Variants in DLG2 observed in about 807,000 individuals in gnomAD.
The protein encoded by DLG2 is disks large homolog 2.
DLG2 carries 45 observed loss-of-function variants against 132.5 expected under a neutral mutation model. The observed-to-expected ratio is 0.34, with a 90% CI of 0.27 to 0.44. The LOEUF (loss-of-function observed/expected upper bound fraction) is 0.44. Among genes scored for constraint, DLG2 ranks in the 20% least tolerant of loss-of-function variants. The pLI is 1.00. For synonymous variants in DLG2, 424 were observed against 419.6 expected (o/e 1.01, Z -0.13); for missense variants, 1,045 against 1,196.9 (o/e 0.87, Z 1.87).
intron 6 of DLG2, among the ~76,000 whole-genome samples, chr11:84,861,922 A>C (rs1183457127): frequency 6.6e-6 from 1 of 151,596 alleles, no homozygotes; most frequent in Non-Finnish European, 1.5e-5. Flanking sequence ...CATTCTCAGT[A>C]AACTATCGCA....
At chr11:84,626,018 A>T (rs1024950941) in intron 6 of DLG2, among the ~76,000 whole-genome samples, 6 of 152,172 alleles carry the variant, frequency 3.9e-5, no homozygotes, top group African/African-American at 1.4e-4. Flanking sequence ...TATCATTTTT[A>T]TCATAATAAT....
At chr11:84,626,855 T>TTTTA (rs1565491766) in intron 6 of DLG2, among the ~76,000 whole-genome samples, 5 of 142,198 alleles carry the variant, frequency 3.5e-5, no homozygotes, top group African/African-American at 1.1e-4. Context: ...ACATATTTTA[T>TTTTA]TTTATTTTAT....
chr11:85,510,995 G>T (rs1170320075), intron 3 of DLG2, among the ~76,000 whole-genome samples: 10 of 152,222 alleles, frequency 6.6e-5, no homozygotes, highest in Middle Eastern at 3.4e-3. Flanking sequence ...ATGATAGACT[G>T]GATTAAGAAA....
intron 7 of DLG2, among the ~76,000 whole-genome samples, chr11:84,524,348 T>G (rs948319877): frequency 1.3e-5 from 2 of 152,244 alleles, no homozygotes; most frequent in Admixed American, 6.5e-5. Flanking sequence ...GCCAGAATTA[T>G]TGGGGGTATG....
At chr11:85,232,204 C>T (rs1394989838) in intron 4 of DLG2, among the ~76,000 whole-genome samples, 1 of 151,842 alleles carries the variant, frequency 6.6e-6, no homozygotes, top group African/African-American at 2.4e-5. Flanking sequence ...TTGTTTAATG[C>T]CCAAAAACAG....
At chr11:84,158,156 C>A (rs1298332758) in intron 9 of DLG2, among the ~76,000 whole-genome samples, 1 of 151,816 alleles carries the variant, frequency 6.6e-6, no homozygotes, top group Non-Finnish European at 1.5e-5. Context: ...CTCTGCCTCC[C>A]AGGTTCATGC....
chr11:84,262,991 T>G (rs146448045), intron 7 of DLG2, among the ~76,000 whole-genome samples: 29 of 152,306 alleles, frequency 1.9e-4, no homozygotes, highest in African/African-American at 6.7e-4. Context: ...TCTGTCTCCC[T>G]GGAAATAACC....
At chr11:83,567,452 T>C (rs1482093073) in intron 19 of DLG2, among the ~76,000 whole-genome samples, 1 of 152,176 alleles carries the variant, frequency 6.6e-6, no homozygotes, top group Non-Finnish European at 1.5e-5. Flanking sequence ...CCTTTCTCTA[T>C]CTTCGTTTTC....
intron 11 of DLG2, among the ~76,000 whole-genome samples, chr11:84,015,889 G>T (rs1406328495): frequency 6.6e-6 from 1 of 152,028 alleles, no homozygotes; most frequent in African/African-American, 2.4e-5. Flanking sequence ...ATATTCCTTT[G>T]GGTATATATT....
chr11:84,691,801 G>T (rs570082533), intron 6 of DLG2, among the ~76,000 whole-genome samples: 3 of 151,728 alleles, frequency 2.0e-5, no homozygotes, highest in African/African-American at 7.2e-5. Flanking sequence ...GATTGAAATA[G>T]TTACCATTTT....
rs189995986 is a variant in DLG2, at chr11:83,790,797, G to C, written c.1723-4005C>G. The C allele has an allele frequency of 2.1e-4, 158 of 756,152 alleles. No individual in the cohort carries two copies. The East Asian group carries it at 2.8e-3, about 14-fold the overall frequency. 46.8% of individuals were successfully genotyped at this position (756,152 alleles called of 1,614,324 possible). On this transcript the variant is annotated intron_variant, in intron 17 of 27. Coordinates refer to ENST00000376104, the MANE Select transcript of DLG2 (RefSeq NM_001142699.3). Reference sequence around the variant, plus strand: ...TGCCTGACTCTCATCTTCGGGGAAAGAGCGCCCTCCCACTTGAGAAGGAAC... The same window carrying C: ...TGCCTGACTCTCATCTTCGGGGAAACAGCGCCCTCCCACTTGAGAAGGAAC...
At chr11:83,620,085 T>C (rs1359869419) in intron 19 of DLG2, among the ~76,000 whole-genome samples, 1 of 152,194 alleles carries the variant, frequency 6.6e-6, no homozygotes, top group Non-Finnish European at 1.5e-5. Flanking sequence ...AATCAGATAA[T>C]TGTATGTTTT....
intron 3 of DLG2, among the ~76,000 whole-genome samples, chr11:85,384,285 C>G (rs540185554): frequency 7.4e-4 from 113 of 152,230 alleles, no homozygotes; most frequent in African/African-American, 2.6e-3. Flanking sequence ...AGTGGAAAGT[C>G]TGAGATTTGA....
rs370482122 is a variant in DLG2 at position 83,461,985 on chromosome 11, G to A, written c.2821+17C>T. The A allele has an allele frequency of 2.0e-6, 3 of 1,526,950 alleles. No homozygotes were observed. The highest frequency in any genetic ancestry group is 1.1e-5 in the South Asian group (1 of 89,302). The allele number at this position is 1,526,950 out of a possible 1,614,324, so 94.6% of individuals were successfully genotyped here. A position where few individuals can be genotyped will look rare whatever the true frequency, so the allele number is the denominator to read the frequency against. On this transcript the variant is annotated intron_variant, in intron 27 of 27. Coordinates refer to ENST00000376104, the MANE Select transcript of DLG2 (RefSeq NM_001142699.3). ...TTTATCCCCTTTCTCACACTACCAGGGTAAAAGTGAACTTACCTGTAAAAT... is the reference window on the plus strand; with the variant it reads ...TTTATCCCCTTTCTCACACTACCAGAGTAAAAGTGAACTTACCTGTAAAAT...
intron 7 of DLG2, among the ~76,000 whole-genome samples, chr11:84,524,850 C>CTT (rs574933795): frequency 6.6e-5 from 8 of 120,780 alleles, no homozygotes; most frequent in African/African-American, 1.8e-4. Flanking sequence ...TAGGGTATTT[C>CTT]TTTTTTTTTT....
At chr11:83,786,932 T>C in intron 17 of DLG2, 140 bp from the exon 18 acceptor site, 2 of 630,974 alleles carry the variant, frequency 3.2e-6, no homozygotes, top group South Asian at 3.9e-5. Flanking sequence ...CAGGTGTTTG[T>C]GGACTTTCAT....
At chr11:84,365,762 G>A (rs185375878) in intron 7 of DLG2, among the ~76,000 whole-genome samples, 90 of 151,738 alleles carry the variant, frequency 5.9e-4, no homozygotes, top group East Asian at 5.8e-4. Flanking sequence ...CCTTCCTTTC[G>A]TTATGTACCC....
chr11:84,314,753 AC>A (rs2098337604), intron 7 of DLG2, among the ~76,000 whole-genome samples: 1 of 151,844 alleles, frequency 6.6e-6, no homozygotes, highest in African/African-American at 2.4e-5. Context: ...ATGTTAATAT[AC>A]ATAAGTAGTT....
chr11:83,776,888 G>T (rs111735585), intron 18 of DLG2, among the ~76,000 whole-genome samples: 2,381 of 152,274 alleles, frequency 0.016, 17 homozygotes, highest in Non-Finnish European at 0.023. Context: ...GTCTTCGTTT[G>T]GTCTGGTTTA....
Sources: gnomAD v4.1 joint callset for allele counts (sites outside exome capture counted in the v4.1 genomes callset) on GRCh38, gnomAD v4.1.1 for gene constraint, MANE v1.5 for transcripts, NCBI Gene and HGNC (gene_info 2026-07-23, HGNC 2026-07-21) for gene names.